GIMD1: variants seen among roughly 807,000 people sequenced by gnomAD.
GIMD1 encodes GTPase IMAP family member GIMD1.
GIMD1 carries 14 observed loss-of-function variants against 14.9 expected under a neutral mutation model. The observed-to-expected ratio is 0.94, with a 90% CI of 0.62 to 1.47. The LOEUF (loss-of-function observed/expected upper bound fraction) is 1.47, where lower values mean the gene tolerates loss of function less well. GIMD1 is among the 40% of genes most tolerant of loss of function. The pLI is 0.00. For synonymous variants in GIMD1, 91 were observed against 90.5 expected (o/e 1.01, Z -0.03); for missense variants, 272 against 255.3 (o/e 1.07, Z -0.44).
intron 1 of GIMD1, among the ~76,000 whole-genome samples, chr4:106,367,801 C>T (rs1770727571): frequency 6.6e-6 from 1 of 152,118 alleles, no homozygotes; most frequent in South Asian, 2.1e-4. Context: ...TGTTGAAGTT[C>T]CTGAGCTCAG....
At chr4:106,366,805 G>T (rs566406646) in intron 2 of GIMD1, among the ~76,000 whole-genome samples, 2 of 151,772 alleles carry the variant, frequency 1.3e-5, no homozygotes, top group South Asian at 4.2e-4. Context: ...CAAACCAGTT[G>T]TAAAATGACT....
At chr4:106,364,460 T>C (rs796115467) in intron 2 of GIMD1, among the ~76,000 whole-genome samples, 2 of 152,298 alleles carry the variant, frequency 1.3e-5, no homozygotes, top group African/African-American at 4.8e-5. Flanking sequence ...CTGCTGGTCC[T>C]GTTGAATATT....
intron 2 of GIMD1, among the ~76,000 whole-genome samples, chr4:106,359,886 A>C (rs1451004789): frequency 6.6e-6 from 1 of 151,996 alleles, no homozygotes; most frequent in Non-Finnish European, 1.5e-5. Context: ...GTCACCAATT[A>C]CAACTGATAC....
chr4:106,359,478 C>A (rs545021253), intron 2 of GIMD1, among the ~76,000 whole-genome samples: 1 of 151,746 alleles, frequency 6.6e-6, no homozygotes, highest in Admixed American at 6.6e-5. Flanking sequence ...ACTTTACATG[C>A]GTTACCTCTT....
rs1408026965 is a variant in GIMD1, at chr4:106,358,075, C to G, written c.*108G>C. The G allele has an allele frequency of 1.4e-6, 1 of 721,378 alleles. No homozygotes were observed. Among genetic ancestry groups the G allele is most frequent in the African/African-American group, 1.8e-5 (1 of 55,762 alleles). 44.7% of individuals were successfully genotyped at this position (721,378 alleles called of 1,614,324 possible). On this transcript the variant is annotated 3_prime_UTR_variant, in exon 3 of 3. Coordinates refer to ENST00000638719, the MANE Select transcript of GIMD1 (RefSeq NM_001195138.2). ...TGGTTATACCAATGTACACTCTCAC[C>G]AGCAGCATATCAGAATACTTATGGT...
rs1340589237 is a variant in GIMD1, at chr4:106,358,236, T to G, written c.601A>C (p.Arg201=). The G allele has an allele frequency of 8.6e-6, 13 of 1,513,846 alleles. No homozygotes were observed. The East Asian group carries it at 3.2e-4, about 37-fold the overall frequency. 93.8% of individuals were successfully genotyped at this position (1,513,846 alleles called of 1,614,324 possible). Residue 201 remains arginine, a synonymous_variant, in exon 3 of 3, where the codon AGA becomes CGA. Transcript: ENST00000638719. ...LNEQRMKILE[R]IMEFIKENCY... ...TTCTCTTTTATAAATTCCATGATTCTTTCTAAGATTTTCATTCTTTGTTCA... is the reference window on the plus strand; with the variant it reads ...TTCTCTTTTATAAATTCCATGATTCGTTCTAAGATTTTCATTCTTTGTTCA...
rs1374734059 is a variant in GIMD1, at chr4:106,358,326, T to C, written c.511A>G (p.Lys171Glu). ...TGCTGAATAGAATTTAGCAGCGTTT[T>C]CAGGGTATCAGAGGCCTCATGTAAA... The part of the protein sequence containing the change: ...KYLHEASDTL[K>E]TLLNSIQHKY... The change falls in exon 3 of 3, where the codon AAA becomes GAA. Residue 171 changes from lysine to glutamate, a missense_variant. By Grantham distance (56) the Lys-to-Glu change is moderately conservative (BLOSUM62 1). Transcript: ENST00000638719. The C allele has an allele frequency of 4.6e-6, 7 of 1,534,068 alleles. No individual in the cohort carries two copies. The African/African-American group carries it at 8.2e-5, about 18-fold the overall frequency.
intron 2 of GIMD1, among the ~76,000 whole-genome samples, chr4:106,360,733 A>G (rs1163898395): frequency 6.6e-6 from 1 of 152,036 alleles, no homozygotes; most frequent in Non-Finnish European, 1.5e-5. Flanking sequence ...AAATTTGGGC[A>G]AAGACGCAAG....
At chr4:106,367,525 A>C in intron 1 of GIMD1, 88 bp from the exon 2 acceptor site, 1 of 1,264,998 alleles carries the variant, frequency 7.9e-7, no homozygotes, top group African/African-American at 1.5e-5. Context: ...TTGCACTCCA[A>C]GTACGATTTT....
At chr4:106,366,238 C>A (rs1375338772) in intron 2 of GIMD1, among the ~76,000 whole-genome samples, 1 of 152,060 alleles carries the variant, frequency 6.6e-6, no homozygotes, top group Non-Finnish European at 1.5e-5. Context: ...GAATTGTTTC[C>A]CTATGAATAA....
At chr4:106,364,591 A>T (rs1017984799) in intron 2 of GIMD1, among the ~76,000 whole-genome samples, 1 of 152,132 alleles carries the variant, frequency 6.6e-6, no homozygotes, top group Non-Finnish European at 1.5e-5. Context: ...TCAACCAAAG[A>T]CCGTAGCAGA....
chr4:106,358,300 G>T lies in GIMD1; in HGVS notation c.537C>A (p.His179Gln). Reference sequence around the variant, plus strand: ...CTTTTTTGTACTGGAAAACGTATTTGTGCTGAATAGAATTTAGCAGCGTTT... The same window carrying T: ...CTTTTTTGTACTGGAAAACGTATTTTTGCTGAATAGAATTTAGCAGCGTTT... ...TLKTLLNSIQ[H>Q]KYVFQYKKGK... The change falls in exon 3 of 3, where the codon CAC becomes CAA. Residue 179 changes from histidine (H) to glutamine (Q), a missense_variant. By Grantham distance (24) the His-to-Gln change is conservative. Transcript: ENST00000638719. 6.5e-7 allele frequency: 1 copy of T among 1,533,074 alleles called. No individual in the cohort carries two copies. Among genetic ancestry groups the T allele is most frequent in the Non-Finnish European group, 8.7e-7 (1 of 1,145,146 alleles). 95.0% of individuals were successfully genotyped at this position (1,533,074 alleles called of 1,614,324 possible).
intron 1 of GIMD1, 109 bp from the exon 2 acceptor site, chr4:106,367,546 T>C: frequency 9.3e-7 from 1 of 1,070,880 alleles, no homozygotes; most frequent in Non-Finnish European, 1.3e-6. Context: ...AGATTTGTTT[T>C]CCCTTCATTC....
chr4:106,361,064 A>G (rs576884916), intron 2 of GIMD1, among the ~76,000 whole-genome samples: 1 of 152,200 alleles, frequency 6.6e-6, no homozygotes, highest in African/African-American at 2.4e-5. Flanking sequence ...GAGGCTTTCT[A>G]AAAATGCATC....
In GIMD1 at chr4:106,368,695, C is replaced by G. The variant is rs1770744566; in HGVS notation, c.-3+15G>C. 1.0e-5 allele frequency: 4 copies of G among 398,266 alleles called. No homozygotes were observed. Among genetic ancestry groups the G allele is most frequent in the African/African-American group, 2.1e-5 (1 of 48,632 alleles). 24.7% of individuals were successfully genotyped at this position (398,266 alleles called of 1,614,324 possible). The stretch of plus-strand genomic sequence containing the variant: ...TAATTATTCAATCCCAATCCATTTG[C>G]TATATTTCGCTTACCTTTTCCAGTC... On this transcript the variant is annotated intron_variant, in intron 1 of 2. Transcript: ENST00000638719.
chr4:106,368,637 C>T (rs1342499996), intron 1 of GIMD1, 73 bp downstream of exon 1: 2 of 396,914 alleles, frequency 5.0e-6, no homozygotes, highest in Non-Finnish European at 8.9e-6. Context: ...TTTCTTTTTA[C>T]TCCTAAATCA....
chr4:106,367,022 G>T (rs1770712461), intron 2 of GIMD1, 21 bp downstream of exon 2: 4 of 1,421,518 alleles, frequency 2.8e-6, no homozygotes, highest in Non-Finnish European at 3.7e-6. Context: ...TGGCATTAGT[G>T]TAATTGCATC....
At chr4:106,358,798 C>T (rs1770572927) in intron 2 of GIMD1, among the ~76,000 whole-genome samples, 1 of 151,888 alleles carries the variant, frequency 6.6e-6, no homozygotes, top group Non-Finnish European at 1.5e-5. Flanking sequence ...ATTAAAGCCA[C>T]TGAATTTAAG....
rs1579655086 is a variant in GIMD1, at chr4:106,358,129, T to C, written c.*54A>G. 1.6e-6 allele frequency: 2 copies of C among 1,222,400 alleles called. No individual in the cohort carries two copies. The highest frequency in any genetic ancestry group is 2.5e-5 in the East Asian group (1 of 39,274). The allele number at this position is 1,222,400 out of a possible 1,614,324, so 75.7% of individuals were successfully genotyped here. ...CATTCATGTCAATAAAGGCATTCTT[T>C]GTAGCTAGGTTTCTGACTCCAATAC... is the stretch of plus-strand genomic sequence containing the variant. On this transcript the variant is annotated 3_prime_UTR_variant, in exon 3 of 3. Coordinates refer to ENST00000638719, the MANE Select transcript of GIMD1 (RefSeq NM_001195138.2).
Sources: gnomAD v4.1 joint callset for allele counts (sites outside exome capture counted in the v4.1 genomes callset) on GRCh38, gnomAD v4.1.1 for gene constraint, MANE v1.5 for transcripts, NCBI Gene and HGNC (gene_info 2026-07-23, HGNC 2026-07-21) for gene names.